AKR7A3: variants seen among roughly 807,000 people sequenced by gnomAD.
AKR7A3 encodes AFB1 aldehyde reductase 2.
A neutral mutation model predicts 32.5 loss-of-function variants in AKR7A3; 37 were observed. That is an observed-to-expected ratio of 1.14 (90% CI 0.88 to 1.50). AKR7A3 has a LOEUF of 1.50. Among genes scored for constraint, AKR7A3 ranks in the 40% most tolerant of loss-of-function variants. The pLI is 0.00. For missense variants in AKR7A3, 412 were observed against 453.2 expected, an observed-to-expected ratio of 0.91 and a Z score of 0.83; for synonymous variants, 177 against 188.4, an observed-to-expected ratio of 0.94 and a Z score of 0.50.
downstream of AKR7A3, among the ~76,000 whole-genome samples, chr1:19,279,952 A>G (rs2093716404): frequency 6.6e-6 from 1 of 151,250 alleles, no homozygotes; most frequent in African/African-American, 2.5e-5. Flanking sequence ...TTCATCAGCC[A>G]TCGTTAGTGT....
intron 1 of AKR7A3, 29 bp from the exon 2 acceptor site, chr1:19,286,401 GC>G: frequency 6.2e-7 from 1 of 1,607,772 alleles, no homozygotes; most frequent in Non-Finnish European, 8.5e-7. Context: ...GAAATTCAGG[GC>G]CAGGCGCCGT....
chr1:19,283,892 A>G, intron 6 of AKR7A3, 104 bp downstream of exon 6: 1 of 1,552,966 alleles, frequency 6.4e-7, no homozygotes, highest in Admixed American at 1.9e-5. Context: ...TGAAAGAAAG[A>G]GAAATTTCAG....
chr1:19,287,650 C>A (rs542707377), intron 1 of AKR7A3, among the ~76,000 whole-genome samples: 1 of 152,030 alleles, frequency 6.6e-6, no homozygotes, highest in South Asian at 2.1e-4. Context: ...CCAGCACCCG[C>A]GGCATTGCCA....
chr1:19,282,135 T>C (rs1377354957), downstream of AKR7A3, among the ~76,000 whole-genome samples: 3 of 151,880 alleles, frequency 2.0e-5, no homozygotes, highest in African/African-American at 7.3e-5. Context: ...GGGGTGGTAC[T>C]GGTACAATGA....
At chr1:19,284,557 A>G in intron 5 of AKR7A3, 129 bp downstream of exon 5, 1 of 1,053,896 alleles carries the variant, frequency 9.5e-7, no homozygotes, top group Non-Finnish European at 1.4e-6. Context: ...GGGTTTGGAA[A>G]TTCCCGAAGA....
the AKR7A3 span, among the ~76,000 whole-genome samples, chr1:19,275,141 T>C: frequency 6.6e-6 from 1 of 151,190 alleles, no homozygotes. Context: ...CCAGGCGGAG[T>C]GGTTCATGCC....
In AKR7A3 at chr1:19,287,623, G is replaced by A. The variant is rs72476485; in HGVS notation, c.214+873C>T. Among the ~76,000 whole-genome samples, 30 of 151,888 alleles carry A rather than the reference G, an allele frequency of 2.0e-4. No individual in the cohort carries two copies. The East Asian group carries it at 4.2e-3, about 22-fold the overall frequency. On this transcript the variant is annotated intron_variant, in intron 1 of 6. Coordinates refer to ENST00000361640, the MANE Select transcript of AKR7A3 (RefSeq NM_012067.3). The stretch of plus-strand genomic sequence containing the variant: ...CCCCTATACACACATCCTCCCCTCC[G>A]GCCACACCTGCCTCCTCCAGCACCC...
chr1:19,288,614 C>T lies in AKR7A3; in HGVS notation c.96G>A (p.Thr32=), dbSNP rs372225935. The T allele has an allele frequency of 2.7e-4, 434 of 1,587,550 alleles. No individual in the cohort carries two copies. Among genetic ancestry groups the T allele is most frequent in the Non-Finnish European group, 3.5e-4 (415 of 1,169,158 alleles). The change falls in exon 1 of 7, where the codon ACG becomes ACA. Residue 32 remains threonine, a synonymous_variant. Transcript: ENST00000361640. Reference sequence around the variant, plus strand: ...TGTGGCCGCGCTCCAGGAAGGCGCGCGTGACTGCGGCGCTGGTGGGCGCGT... The same window carrying T: ...TGTGGCCGCGCTCCAGGAAGGCGCGTGTGACTGCGGCGCTGGTGGGCGCGT... ...RMDAPTSAAV[T]RAFLERGHTE... is the part of the protein sequence containing the mutation.
At chr1:19,275,205 G>A in the AKR7A3 span, among the ~76,000 whole-genome samples, 4 of 151,678 alleles carry the variant, frequency 2.6e-5, no homozygotes, top group Non-Finnish European at 4.4e-5. Flanking sequence ...GAGGTCAAGA[G>A]TTGGAGACCA....
chr1:19,282,294 G>T (rs1448349899), downstream of AKR7A3, among the ~76,000 whole-genome samples: 1 of 151,270 alleles, frequency 6.6e-6, no homozygotes, highest in African/African-American at 2.4e-5. Flanking sequence ...GTGAGTTCCA[G>T]CTCTATGAGT....
chr1:19,276,101 G>A, the AKR7A3 span, among the ~76,000 whole-genome samples: 1 of 151,718 alleles, frequency 6.6e-6, no homozygotes, highest in African/African-American at 2.4e-5. Context: ...CGTGGCTCAC[G>A]CCTGTAATCC....
chr1:19,285,824 G>T, intron 3 of AKR7A3, 64 bp downstream of exon 3: 1 of 1,600,410 alleles, frequency 6.2e-7, no homozygotes, highest in Non-Finnish European at 8.6e-7. Context: ...AGTCAGAGGG[G>T]CAAAGACAGC....
chr1:19,286,728 G>A (rs1190391273), intron 1 of AKR7A3, among the ~76,000 whole-genome samples: 5 of 151,790 alleles, frequency 3.3e-5, no homozygotes, highest in African/African-American at 1.2e-4. Context: ...TTAGTTCCTA[G>A]TGAACTGGAC....
chr1:19,274,899 C>CAAAAAAAAAAAAAAAA, the AKR7A3 span, among the ~76,000 whole-genome samples: 1,885 of 43,824 alleles, frequency 0.043, 420 homozygotes, highest in Non-Finnish European at 0.052. Context: ...TCTCTAAATA[C>CAAAAAAAAAAAAAAAA]AAAAAAAAAA....
chr1:19,283,401 G>T (rs2995182), intron 6 of AKR7A3, among the ~76,000 whole-genome samples: 6 of 152,022 alleles, frequency 3.9e-5, no homozygotes, highest in South Asian at 2.1e-4. Flanking sequence ...TAAAATGTCT[G>T]CCCCTTTCAT....
rs545093216 is a variant in AKR7A3 at position 19,286,296 on chromosome 1, C to A, written c.291G>T (p.Thr97=). 1 of 1,613,918 alleles carries A rather than the reference C, an allele frequency of 6.2e-7. No homozygotes were observed. Among genetic ancestry groups the A allele is most frequent in the Admixed American group, 1.7e-5 (1 of 60,008 alleles). ...KPDSLRFQLE[T]SLKRLQCPRV... ...GGGGACACTGCAGCCGCTTCAGTGA[C>A]GTCTCCAGCTGGAACCGGAGACTGT... The change falls in exon 2 of 7, where the codon ACG becomes ACT. Residue 97 remains threonine, a synonymous_variant. Coordinates refer to ENST00000361640, the MANE Select transcript of AKR7A3 (RefSeq NM_012067.3).
chr1:19,286,128 G>A, intron 2 of AKR7A3, 57 bp downstream of exon 2: 2 of 1,599,538 alleles, frequency 1.3e-6, no homozygotes, highest in South Asian at 2.2e-5. Flanking sequence ...TCACCATTAG[G>A]ATCAGGATAA....
chr1:19,283,333 GA>G (rs1030847305), intron 6 of AKR7A3, among the ~76,000 whole-genome samples: 2 of 151,774 alleles, frequency 1.3e-5, no homozygotes, highest in African/African-American at 4.9e-5. Context: ...CTGAGAGAGG[GA>G]AACTCCAGCT....
rs144760570 is a variant in AKR7A3, at chr1:19,282,876, G to T, written c.851C>A (p.Ala284Glu). ...CAGGCTGGACATGCCCAGGATGACC[G>T]CGTCCCCGTGGGCACCCTGCAAGGG... The part of the protein sequence containing the change: ...HSQLQGAHGD[A>E]VILGMSSLEQ... Residue 284 changes from alanine (A) to glutamate (E), a missense_variant, in exon 7 of 7, where the codon GCG (alanine) becomes GAG (glutamate). Transcript: ENST00000361640. The T allele has an allele frequency of 6.2e-7, 1 of 1,612,312 alleles. No homozygotes were observed. The highest frequency in any genetic ancestry group is 1.3e-5 in the African/African-American group (1 of 74,080).
Sources: allele counts gnomAD v4.1 joint callset (sites outside exome capture counted in the v4.1 genomes callset), GRCh38; gene constraint gnomAD v4.1.1; transcripts MANE v1.5; gene names NCBI Gene and HGNC (gene_info 2026-07-23, HGNC 2026-07-21).